Variants in CTRC observed in about 807,000 individuals in gnomAD.
CTRC encodes chymotrypsin C.
A neutral mutation model predicts 35.7 loss-of-function variants in CTRC; 32 were observed. The observed-to-expected ratio is 0.90, with a 90% CI of 0.68 to 1.20. The LOEUF (loss-of-function observed/expected upper bound fraction) is 1.20. CTRC is among the 50% of genes most tolerant of loss of function. The pLI is 0.00. For synonymous variants in CTRC, 119 were observed against 149.5 expected (o/e 0.80, Z 1.49); for missense variants, 324 against 361.5 (o/e 0.90, Z 0.84).
At chr1:15,438,594 G>A (rs1421056146) in intron 1 of CTRC, 90 bp downstream of exon 1, 38 of 1,451,328 alleles carry the variant, frequency 2.6e-5, no homozygotes, top group Non-Finnish European at 3.6e-5. Flanking sequence ...GGGGGCCTCT[G>A]CTCTCCAGGT....
chr1:15,445,797 C>G (rs750274349), intron 7 of CTRC, 48 bp downstream of exon 7: 1 of 1,607,146 alleles, frequency 6.2e-7, no homozygotes, highest in Non-Finnish European at 8.5e-7. Flanking sequence ...GCCCCTCCCC[C>G]TCACTCACCC....
At chr1:15,443,683 G>A (rs775638031) in intron 5 of CTRC, 128 bp downstream of exon 5, 4 of 1,160,162 alleles carry the variant, frequency 3.4e-6, no homozygotes, top group East Asian at 4.7e-5. Context: ...AACAATAACA[G>A]CTAATATTTA....
intron 1 of CTRC, among the ~76,000 whole-genome samples, chr1:15,439,628 A>G (rs1406954967): frequency 6.6e-6 from 1 of 152,174 alleles, no homozygotes; most frequent in Non-Finnish European, 1.5e-5. Flanking sequence ...CTTCCCAGCT[A>G]TAACAGTGGA....
At chr1:15,446,467 G>T in intron 7 of CTRC, 108 bp from the exon 8 acceptor site, 1 of 1,097,702 alleles carries the variant, frequency 9.1e-7, no homozygotes, top group Non-Finnish European at 1.4e-6. Flanking sequence ...TGTGAAGGCC[G>T]GGGGCTGCTG....
intron 6 of CTRC, among the ~76,000 whole-genome samples, chr1:15,445,217 C>T (rs1708199047): frequency 6.6e-6 from 1 of 152,206 alleles, no homozygotes; most frequent in South Asian, 2.1e-4. Flanking sequence ...ACCCTCTCCC[C>T]ATTCTCACCC....
chr1:15,443,635 T>TTTTTGCC, intron 5 of CTRC, 80 bp downstream of exon 5: 6 of 1,568,476 alleles, frequency 3.8e-6, no homozygotes, highest in Non-Finnish European at 5.3e-6. Flanking sequence ...CCACTTTGCC[T>TTTTTGCC]TTTTGCCTTC....
rs117858254 is a variant in CTRC, at chr1:15,440,122, A to T, written c.41-178A>T. Among the ~76,000 whole-genome samples the T allele has an allele frequency of 0.016, 2,469 of 152,284 alleles. 88 individuals are homozygous for T. The highest frequency in any genetic ancestry group is 0.077 in the East Asian group (400 of 5,180). ...ATTAGTGTGATTCTTCACATTTCAC[A>T]GAAAGGGAAAACAAGGCCTAGAGAC... On this transcript the variant is annotated intron_variant, in intron 1 of 7. Coordinates refer to ENST00000375949, the MANE Select transcript of CTRC (RefSeq NM_007272.3).
rs534634253 is a variant in CTRC, at chr1:15,446,449, G to A, written c.793-126G>A. 93 of 923,932 alleles carry A rather than the reference G, an allele frequency of 1.0e-4. No homozygotes were observed. The African/African-American group carries it at 1.2e-3, about 12-fold the overall frequency. 57.2% of individuals were successfully genotyped at this position (923,932 alleles called of 1,614,324 possible). ...CCTCAGACCCCTTGAACAGGGACAA[G>A]GCTGGCATGTGAAGGCCGGGGGCTG... On this transcript the variant is annotated intron_variant, in intron 7 of 7. Coordinates refer to ENST00000375949, the MANE Select transcript of CTRC (RefSeq NM_007272.3).
chr1:15,441,254 A>G (rs1708128103), intron 3 of CTRC, among the ~76,000 whole-genome samples: 1 of 152,160 alleles, frequency 6.6e-6, no homozygotes, highest in South Asian at 2.1e-4. Context: ...AGGGATGGCC[A>G]GGGGAAGAGC....
At chr1:15,445,520 A>G in intron 6 of CTRC, 77 bp from the exon 7 acceptor site, 1 of 1,510,006 alleles carries the variant, frequency 6.6e-7, no homozygotes, top group Non-Finnish European at 9.2e-7. Flanking sequence ...CACATCCCCC[A>G]CCCCAACCCA....
chr1:15,442,648 G>A, intron 4 of CTRC, 76 bp downstream of exon 4: 1 of 1,594,724 alleles, frequency 6.3e-7, no homozygotes, highest in Non-Finnish European at 8.6e-7. Flanking sequence ...GAGCCGCAGA[G>A]CCTGTCGCAC....
At chr1:15,444,255 T>C (rs539774083) in intron 5 of CTRC, among the ~76,000 whole-genome samples, 132 of 151,088 alleles carry the variant, frequency 8.7e-4, no homozygotes, top group Admixed American at 1.6e-3. Flanking sequence ...AGACCTTGTA[T>C]GTATCAAAAA....
At chr1:15,445,891 C>T (rs1708211896) in intron 7 of CTRC, 142 bp downstream of exon 7, 1 of 974,314 alleles carries the variant, frequency 1.0e-6, no homozygotes, top group East Asian at 2.5e-5. Context: ...CTCATTCATG[C>T]ATTCATTCAT....
chr1:15,443,639 T>C (rs1708170194), intron 5 of CTRC, 84 bp downstream of exon 5: 7 of 1,540,266 alleles, frequency 4.5e-6, no homozygotes, highest in Non-Finnish European at 6.3e-6. Context: ...TTTGCCTTTT[T>C]GCCTTCACAT....
At chr1:15,440,661 A>G (rs112086354) in intron 3 of CTRC, 71 bp downstream of exon 3, 1 of 1,413,718 alleles carries the variant, frequency 7.1e-7, no homozygotes, top group Non-Finnish European at 9.9e-7. Flanking sequence ...GCTTTTTCTG[A>G]GCAGCTTCTC....
chr1:15,445,953 C>G (rs1708213863), intron 7 of CTRC, among the ~76,000 whole-genome samples: 1 of 112,182 alleles, frequency 8.9e-6, no homozygotes, highest in African/African-American at 4.5e-5. Flanking sequence ...TATTCATTCA[C>G]TCATGCATTC....
chr1:15,440,226 G>GGGGCCCC, intron 1 of CTRC, 74 bp from the exon 2 acceptor site: 1 of 523,580 alleles, frequency 1.9e-6, no homozygotes, highest in African/African-American at 2.0e-5. Context: ...TCTTCCACCT[G>GGGGCCCC]CCCACCCTCC....
At position 15,442,492 on chromosome 1, in the gene CTRC, G is replaced by T. The variant is rs374645306; in HGVS notation, c.276G>T (p.Glu92Asp). ...YRVAVGKNNL[E>D]VEDEEGSLFV... ...TGGCCGTGGGAAAGAACAACCTGGAGGTGGAAGACGAAGAAGGATCCCTGT... is the reference window on the plus strand; with the variant it reads ...TGGCCGTGGGAAAGAACAACCTGGATGTGGAAGACGAAGAAGGATCCCTGT... Residue 92 changes from glutamate (E) to aspartate (D), a missense_variant, in exon 4 of 8, where the codon GAG becomes GAT. By Grantham distance (45) the Glu-to-Asp change is conservative. Coordinates refer to ENST00000375949, the MANE Select transcript of CTRC (RefSeq NM_007272.3). 2 of 1,614,058 alleles carry T rather than the reference G, an allele frequency of 1.2e-6. No homozygotes were observed. The highest frequency in any genetic ancestry group is 1.7e-6 in the Non-Finnish European group (2 of 1,180,034).
At chr1:15,441,640 A>G (rs183356419) in intron 3 of CTRC, among the ~76,000 whole-genome samples, 219 of 151,490 alleles carry the variant, frequency 1.4e-3, no homozygotes, top group African/African-American at 5.2e-3. Context: ...TTTTTAATAT[A>G]TTTTATAAAA....
Sources: gnomAD v4.1 joint callset for allele counts (sites outside exome capture counted in the v4.1 genomes callset) on GRCh38, gnomAD v4.1.1 for gene constraint, MANE v1.5 for transcripts, NCBI Gene and HGNC (gene_info 2026-07-23, HGNC 2026-07-21) for gene names.